The following PDZRN3 variants were observed in gnomAD, a reference collection of about 807,000 sequenced individuals.
PDZRN3 encodes the protein PDZ domain containing ring finger 3, also known as E3 ubiquitin-protein ligase PDZRN3.
PDZRN3 carries 38 observed loss-of-function variants against 85.7 expected under a neutral mutation model. The observed-to-expected ratio is 0.44, with a 90% confidence interval of 0.34 to 0.58. The LOEUF (loss-of-function observed/expected upper bound fraction) is 0.58, where lower values mean the gene tolerates loss of function less well. Among genes scored for constraint, PDZRN3 ranks in the 20% least tolerant of loss-of-function variants. PDZRN3 has a pLI of 0.01. For synonymous variants in PDZRN3, 759 were observed against 638.0 expected (o/e 1.19, Z -2.86); for missense variants, 1,629 against 1,506.4 (o/e 1.08, Z -1.35).
chr3:73,401,136 C>T (rs370917433), intron 4 of PDZRN3, 127 bp from the exon 5 acceptor site: 2 of 696,516 alleles, frequency 2.9e-6, no homozygotes. Context: ...GACTCACTTC[C>T]CTCTGGATGG....
chr3:73,515,173 CTTTTTTTTTTTTTT>C (rs60325744), intron 3 of PDZRN3, among the ~76,000 whole-genome samples: 1 of 58,062 alleles, frequency 1.7e-5, no homozygotes, highest in African/African-American at 6.3e-5. Context: ...ACAATCAGCC[CTTTTTTTTTTTTTT>C]TTTTTTTTGA....
intron 3 of PDZRN3, among the ~76,000 whole-genome samples, chr3:73,452,328 G>A (rs1394960965): frequency 1.3e-5 from 2 of 152,150 alleles, no homozygotes; most frequent in Non-Finnish European, 1.5e-5. Flanking sequence ...ATTTAGACTT[G>A]AGCCACAAAA....
intron 3 of PDZRN3, among the ~76,000 whole-genome samples, chr3:73,511,931 CAG>C (rs1390026083): frequency 6.6e-6 from 1 of 152,202 alleles, no homozygotes; most frequent in African/African-American, 2.4e-5. Context: ...ACACAGAAGC[CAG>C]AGAGACCAGA....
intron 3 of PDZRN3, among the ~76,000 whole-genome samples, chr3:73,590,085 A>C (rs1702334134): frequency 6.6e-6 from 1 of 152,038 alleles, no homozygotes; most frequent in Admixed American, 6.5e-5. Flanking sequence ...CCTGGAAAAC[A>C]TGGCGACACC....
At chr3:73,428,041 G>A (rs1328199587) in intron 3 of PDZRN3, among the ~76,000 whole-genome samples, 1 of 152,218 alleles carries the variant, frequency 6.6e-6, no homozygotes, top group Admixed American at 6.5e-5. Flanking sequence ...CAGCTGCAAA[G>A]TCTTGAGAAG....
intron 3 of PDZRN3, among the ~76,000 whole-genome samples, chr3:73,454,515 G>A (rs1452651398): frequency 2.6e-5 from 4 of 152,182 alleles, no homozygotes; most frequent in East Asian, 1.9e-4. Context: ...TGGGAAGGAC[G>A]ACACGTAACC....
chr3:73,492,983 C>CATTTTT (rs1559707030), intron 3 of PDZRN3, among the ~76,000 whole-genome samples: 1 of 29,366 alleles, frequency 3.4e-5, no homozygotes, highest in African/African-American at 6.0e-5. Context: ...GGCTTTTCAA[C>CATTTTT]CTTTTTTTTT....
At position 73,435,895 on chromosome 3, in the gene PDZRN3, G is replaced by A. The variant is rs889576545; in HGVS notation, c.919-31500C>T. 3.0e-4 allele frequency among the ~76,000 whole-genome samples: 46 copies of A among 152,078 alleles called. 1 individual carries two copies. The highest frequency in any genetic ancestry group is 2.8e-3 in the Admixed American group (42 of 15,270). ...ATTGAAACCCAAATTCTTCACCAGC[G>A]CCTATAGTGCTCTGTAAAATCTCAC... On this transcript the variant is annotated intron_variant, in intron 3 of 9. Coordinates refer to ENST00000263666, the MANE Select transcript of PDZRN3 (RefSeq NM_015009.3).
chr3:73,595,005 G>T (rs968515271), intron 3 of PDZRN3, among the ~76,000 whole-genome samples: 1 of 152,096 alleles, frequency 6.6e-6, no homozygotes, highest in Admixed American at 6.5e-5. Context: ...ATGTGCCCAT[G>T]ACAAACATCA....
At chr3:73,525,777 C>G (rs1233603202) in intron 3 of PDZRN3, among the ~76,000 whole-genome samples, 1 of 152,176 alleles carries the variant, frequency 6.6e-6, no homozygotes, top group East Asian at 1.9e-4. Flanking sequence ...TTCTGGGTCT[C>G]ACCCCCTCAG....
chr3:73,392,298 G>A (rs899226197), intron 5 of PDZRN3, among the ~76,000 whole-genome samples: 2 of 152,238 alleles, frequency 1.3e-5, no homozygotes, highest in African/African-American at 4.8e-5. Flanking sequence ...GCCAGCATGA[G>A]TAGCTAAGAT....
At chr3:73,594,783 G>C (rs1021098551) in intron 3 of PDZRN3, among the ~76,000 whole-genome samples, 1 of 152,154 alleles carries the variant, frequency 6.6e-6, no homozygotes, top group African/African-American at 2.4e-5. Context: ...GCTAAATCGG[G>C]AAATAAGAGA....
At chr3:73,544,688 T>G (rs1035187544) in intron 3 of PDZRN3, among the ~76,000 whole-genome samples, 3 of 137,646 alleles carry the variant, frequency 2.2e-5, no homozygotes, top group South Asian at 2.2e-4. Flanking sequence ...ACTATCTGGG[T>G]TTTTTTTTTT....
chr3:73,416,095 T>A (rs1206636511), intron 3 of PDZRN3, among the ~76,000 whole-genome samples: 1 of 152,054 alleles, frequency 6.6e-6, no homozygotes, highest in East Asian at 1.9e-4. Context: ...CTTCTGTTTG[T>A]ACCTTAGAGA....
intron 3 of PDZRN3, among the ~76,000 whole-genome samples, chr3:73,472,263 C>T (rs1424357686): frequency 1.3e-5 from 2 of 152,170 alleles, no homozygotes; most frequent in Non-Finnish European, 2.9e-5. Flanking sequence ...GGGGCTCACC[C>T]ACGTCATTTG....
chr3:73,507,785 C>T (rs1252505084), intron 3 of PDZRN3, among the ~76,000 whole-genome samples: 5 of 152,160 alleles, frequency 3.3e-5, no homozygotes, highest in South Asian at 2.1e-4. Flanking sequence ...AAGTCAGACT[C>T]GCTAACAAAA....
chr3:73,447,488 T>A (rs1484211215), intron 3 of PDZRN3, among the ~76,000 whole-genome samples: 1 of 152,166 alleles, frequency 6.6e-6, no homozygotes. Flanking sequence ...TTAACTTCTC[T>A]TCTTTCTCAC....
intron 3 of PDZRN3, among the ~76,000 whole-genome samples, chr3:73,489,098 G>T (rs1703720126): frequency 6.6e-6 from 1 of 151,696 alleles, no homozygotes; most frequent in South Asian, 2.1e-4. Context: ...GATTTCCCCA[G>T]CCCCAGCCAA....
intron 3 of PDZRN3, among the ~76,000 whole-genome samples, chr3:73,476,579 G>T (rs1367759630): frequency 6.6e-6 from 1 of 152,228 alleles, no homozygotes; most frequent in South Asian, 2.1e-4. Context: ...GTGACCAACA[G>T]AAGATGGCAG....
Sources: allele counts gnomAD v4.1 joint callset (sites outside exome capture counted in the v4.1 genomes callset), GRCh38; gene constraint gnomAD v4.1.1; transcripts MANE v1.5; gene names NCBI Gene and HGNC (gene_info 2026-07-23, HGNC 2026-07-21).